GTF2B: variants seen among roughly 807,000 people sequenced by gnomAD.
GTF2B encodes the protein transcription initiation factor IIB.
A neutral mutation model predicts 34.6 loss-of-function variants in GTF2B; 20 were observed. The observed-to-expected ratio is 0.58, with a 90% CI of 0.41 to 0.84. The LOEUF (loss-of-function observed/expected upper bound fraction) is 0.84, where lower values mean the gene tolerates loss of function less well. GTF2B is among the 40% of genes least tolerant of loss of function. GTF2B has a pLI of 0.00. For synonymous variants in GTF2B, 142 were observed against 132.4 expected, an observed-to-expected ratio of 1.07 and a Z score of -0.50; for missense variants, 237 against 393.3, an observed-to-expected ratio of 0.60 and a Z score of 3.36.
In GTF2B at chr1:88,875,541, C is replaced by T. The variant is rs1291554500; in HGVS notation, c.125-11427G>A. ...CTAAATTTGGCCACAATAAATTTGG[C>T]CACTCACTCACTACTACTGTTTAGG... On this transcript the variant is annotated intron_variant, in intron 2 of 6. Transcript: ENST00000370500. Among the ~76,000 whole-genome samples the T allele has an allele frequency of 8.5e-5, 13 of 152,176 alleles. 1 individual carries two copies. The highest frequency in any genetic ancestry group is 3.3e-4 in the Admixed American group (5 of 15,270).
intron 2 of GTF2B, among the ~76,000 whole-genome samples, chr1:88,879,815 G>T (rs993346050): frequency 2.0e-5 from 3 of 152,036 alleles, no homozygotes; most frequent in African/African-American, 7.2e-5. Flanking sequence ...CAGCACTTTG[G>T]GAGGTCGAGG....
chr1:88,871,744 T>C (rs1248878349), intron 2 of GTF2B, among the ~76,000 whole-genome samples: 3 of 152,194 alleles, frequency 2.0e-5, no homozygotes, highest in Non-Finnish European at 4.4e-5. Context: ...ATTATTATTC[T>C]TTTTGAGATG....
chr1:88,883,293 T>C (rs1673987865), intron 2 of GTF2B, among the ~76,000 whole-genome samples: 1 of 152,214 alleles, frequency 6.6e-6, no homozygotes, highest in South Asian at 2.1e-4. Context: ...AATCTTACTC[T>C]TGGCCCCGAG....
intron 2 of GTF2B, among the ~76,000 whole-genome samples, chr1:88,870,253 A>C (rs979401348): frequency 3.3e-5 from 5 of 152,340 alleles, no homozygotes; most frequent in Non-Finnish European, 7.4e-5. Context: ...GGTGAGAGAA[A>C]CGGTCTTTGT....
chr1:88,885,351 A>T (rs1674041205), intron 2 of GTF2B, among the ~76,000 whole-genome samples: 1 of 152,028 alleles, frequency 6.6e-6, no homozygotes, highest in Non-Finnish European at 1.5e-5. Flanking sequence ...GAGGCAGGAG[A>T]ATCACTTGAA....
intron 1 of GTF2B, among the ~76,000 whole-genome samples, chr1:88,889,998 C>A (rs992003499): frequency 4.6e-5 from 7 of 152,068 alleles, no homozygotes; most frequent in Non-Finnish European, 7.4e-5. Context: ...CATGATCGTG[C>A]CACCTACACT....
At chr1:88,864,172 A>C in intron 2 of GTF2B, 58 bp from the exon 3 acceptor site, 2 of 1,531,280 alleles carry the variant, frequency 1.3e-6, no homozygotes, top group East Asian at 4.5e-5. Context: ...ACTTAACTAC[A>C]CTGTCCAATG....
chr1:88,882,406 T>C (rs1399447436), intron 2 of GTF2B, among the ~76,000 whole-genome samples: 1 of 150,976 alleles, frequency 6.6e-6, no homozygotes, highest in Non-Finnish European at 1.5e-5. Context: ...GTCTCACTCG[T>C]ACACATTATC....
At position 88,871,808 on chromosome 1, in the gene GTF2B, G is replaced by A. The variant is rs556894326; in HGVS notation, c.125-7694C>T. 2.6e-4 allele frequency among the ~76,000 whole-genome samples: 40 copies of A among 152,050 alleles called. 1 individual carries two copies. In the South Asian group the frequency reaches 4.8e-3, roughly 18 times the overall value. The stretch of plus-strand genomic sequence containing the variant: ...ATGCAATGGGGTAATCTCAGCTCAC[G>A]GCAACCTCCGCCTTGCAGGTTCAAG... On this transcript the variant is annotated intron_variant, in intron 2 of 6. Transcript: ENST00000370500.
intron 1 of GTF2B, among the ~76,000 whole-genome samples, 163 bp downstream of exon 1, chr1:88,891,320 C>G (rs1674198688): frequency 6.6e-6 from 1 of 152,208 alleles, no homozygotes; most frequent in Non-Finnish European, 1.5e-5. Context: ...CCTGACAGTC[C>G]TGCCGTCTGG....
At chr1:88,882,811 A>G (rs1453627023) in intron 2 of GTF2B, among the ~76,000 whole-genome samples, 1 of 152,236 alleles carries the variant, frequency 6.6e-6, no homozygotes, top group African/African-American at 2.4e-5. Context: ...ATAGAATTGT[A>G]TTACATTCTT....
intron 2 of GTF2B, among the ~76,000 whole-genome samples, chr1:88,879,227 A>G (rs1673876866): frequency 6.6e-6 from 1 of 152,140 alleles, no homozygotes; most frequent in South Asian, 2.1e-4. Flanking sequence ...GGTATAAAGT[A>G]TAAGATATAA....
chr1:88,886,012 A>G (rs1463683504), intron 2 of GTF2B, among the ~76,000 whole-genome samples: 1 of 152,192 alleles, frequency 6.6e-6, no homozygotes, highest in Non-Finnish European at 1.5e-5. Flanking sequence ...TATCTGTAAA[A>G]TGAAGATAAT....
chr1:88,872,356 G>T lies in GTF2B; in HGVS notation c.125-8242C>A, dbSNP rs543958099. Among the ~76,000 whole-genome samples, 26 of 149,358 alleles carry T rather than the reference G, an allele frequency of 1.7e-4. 1 individual carries two copies. In the South Asian group the frequency reaches 5.1e-3, roughly 29 times the overall value. On this transcript the variant is annotated intron_variant, in intron 2 of 6. Transcript: ENST00000370500. Reference sequence around the variant, plus strand: ...CAACCCCAGGTACTTGGGAGGCTGAGGAGGAGAACTGCTTGAACCTGGGAG... The same window carrying T: ...CAACCCCAGGTACTTGGGAGGCTGATGAGGAGAACTGCTTGAACCTGGGAG...
chr1:88,876,809 A>G (rs1673828366), intron 2 of GTF2B, among the ~76,000 whole-genome samples: 1 of 152,236 alleles, frequency 6.6e-6, no homozygotes, highest in Non-Finnish European at 1.5e-5. Flanking sequence ...AGGAAAAAAG[A>G]TTTTACAGAT....
chr1:88,863,714 CA>C (rs2100966622), intron 3 of GTF2B, among the ~76,000 whole-genome samples: 1 of 152,254 alleles, frequency 6.6e-6, no homozygotes, highest in East Asian at 1.9e-4. Context: ...GGCCACACTA[CA>C]CTCATTTTTT....
chr1:88,860,918 G>A (rs1490134285), intron 3 of GTF2B, among the ~76,000 whole-genome samples: 1 of 152,144 alleles, frequency 6.6e-6, no homozygotes, highest in Non-Finnish European at 1.5e-5. Context: ...TTGTAACACT[G>A]ATTGGAAAAA....
chr1:88,878,465 T>C (rs1048086638), intron 2 of GTF2B, among the ~76,000 whole-genome samples: 11 of 152,126 alleles, frequency 7.2e-5, no homozygotes, highest in Non-Finnish European at 1.5e-4. Flanking sequence ...GCTACAAAAA[T>C]TGGAAACAAG....
chr1:88,877,288 G>C (rs1673838196), intron 2 of GTF2B, among the ~76,000 whole-genome samples: 1 of 152,146 alleles, frequency 6.6e-6, no homozygotes, highest in Non-Finnish European at 1.5e-5. Flanking sequence ...CTATTTTCCA[G>C]TATTTTCCTT....
Sources: gnomAD v4.1 joint callset for allele counts (sites outside exome capture counted in the v4.1 genomes callset) on GRCh38, gnomAD v4.1.1 for gene constraint, MANE v1.5 for transcripts, NCBI Gene and HGNC (gene_info 2026-07-23, HGNC 2026-07-21) for gene names.